ADAMTS19: variants seen among roughly 807,000 people sequenced by gnomAD.
The protein encoded by ADAMTS19 is A disintegrin and metalloproteinase with thrombospondin motifs 19.
Under a neutral mutation model 153.3 loss-of-function variants are expected in ADAMTS19, and 93 were observed. That is an observed-to-expected ratio of 0.61 (90% confidence interval 0.51 to 0.72). ADAMTS19 has a LOEUF of 0.72. Ranked by LOEUF, ADAMTS19 falls within the 30% of genes least tolerant of loss-of-function variation. The pLI is 0.00. For synonymous variants in ADAMTS19, 600 were observed against 556.6 expected (o/e 1.08, Z -1.10); for missense variants, 1,482 against 1,552.1 (o/e 0.95, Z 0.76).
chr5:129,713,774 A>T (rs1403442668), intron 21 of ADAMTS19, among the ~76,000 whole-genome samples: 2 of 151,954 alleles, frequency 1.3e-5, no homozygotes, highest in Non-Finnish European at 2.9e-5. Context: ...AAAAAAAAAA[A>T]AATTAACAAA....
At chr5:129,552,366 T>C (rs1753154371) in intron 7 of ADAMTS19, among the ~76,000 whole-genome samples, 1 of 151,866 alleles carries the variant, frequency 6.6e-6, no homozygotes, top group Non-Finnish European at 1.5e-5. Context: ...TTTTCACCAT[T>C]TGTATTAGAT....
At chr5:129,634,148 C>T (rs1752429266) in intron 10 of ADAMTS19, among the ~76,000 whole-genome samples, 1 of 152,100 alleles carries the variant, frequency 6.6e-6, no homozygotes, top group Non-Finnish European at 1.5e-5. Flanking sequence ...TTCGGTTTCC[C>T]TCAAAAGTGT....
chr5:129,724,100 A>C (rs930899408), intron 21 of ADAMTS19, among the ~76,000 whole-genome samples: 4 of 152,254 alleles, frequency 2.6e-5, no homozygotes, highest in Non-Finnish European at 4.4e-5. Context: ...GTTTCTTATC[A>C]GATTCAAAAA....
intron 2 of ADAMTS19, among the ~76,000 whole-genome samples, chr5:129,489,605 A>G (rs1243981595): frequency 2.0e-5 from 3 of 152,182 alleles, no homozygotes; most frequent in Admixed American, 2.0e-4. Context: ...ACAATTTTTT[A>G]AAATGTTCAT....
chr5:129,511,081 A>G (rs1363145), intron 3 of ADAMTS19, among the ~76,000 whole-genome samples: 13,728 of 151,714 alleles, frequency 0.09, 1,151 homozygotes, highest in African/African-American at 0.23. Context: ...GACATGTCCA[A>G]TTGTAGCCTT....
intron 2 of ADAMTS19, chr5:129,500,729 G>A (rs559825014): frequency 6.6e-6 from 1 of 152,246 alleles, no homozygotes. Context: ...TTCCTAGAGT[G>A]TAAGTTGATG....
intron 3 of ADAMTS19, among the ~76,000 whole-genome samples, chr5:129,522,053 TCA>T (rs1261857974): frequency 2.6e-5 from 4 of 151,862 alleles, no homozygotes; most frequent in South Asian, 2.1e-4. Context: ...CATATTAATC[TCA>T]TTCACTTGGC....
chr5:129,526,441 A>G lies in ADAMTS19; in HGVS notation c.1071A>G (p.Leu357=). ...HGADAARRFI[L]TILNMVFNLF... ...CAGATGCAGCCAGGAGATTCATTCT[A>G]ACCATCTTAAATATGGTAGGCAAAC... is the stretch of plus-strand genomic sequence containing the variant. The change falls in exon 4 of 23, where the codon CTA becomes CTG. Residue 357 remains leucine, a synonymous_variant. Coordinates refer to ENST00000274487, the MANE Select transcript of ADAMTS19 (RefSeq NM_133638.6). 5 of 1,595,894 alleles carry G rather than the reference A, an allele frequency of 3.1e-6. No individual in the cohort carries two copies. Among genetic ancestry groups the G allele is most frequent in the Non-Finnish European group, 4.3e-6 (5 of 1,173,368 alleles).
chr5:129,605,218 T>A (rs140244518), intron 8 of ADAMTS19, among the ~76,000 whole-genome samples: 1 of 152,308 alleles, frequency 6.6e-6, no homozygotes, highest in African/African-American at 2.4e-5. Context: ...GCCTGGCTTC[T>A]TTACTCAGAA....
At chr5:129,469,176 T>C (rs1394873778) in intron 2 of ADAMTS19, among the ~76,000 whole-genome samples, 1 of 152,082 alleles carries the variant, frequency 6.6e-6, no homozygotes, top group Non-Finnish European at 1.5e-5. Context: ...CAAAATAATA[T>C]ATTCTAAGTA....
intron 10 of ADAMTS19, among the ~76,000 whole-genome samples, chr5:129,632,092 C>T (rs925650662): frequency 6.6e-6 from 1 of 151,976 alleles, no homozygotes; most frequent in Non-Finnish European, 1.5e-5. Flanking sequence ...AGCAGCAGAG[C>T]CTCTGTTGCA....
At chr5:129,658,477 A>G (rs1027906651) in intron 14 of ADAMTS19, 140 bp from the exon 15 acceptor site, 6 of 832,664 alleles carry the variant, frequency 7.2e-6, no homozygotes, top group Non-Finnish European at 1.1e-5. Flanking sequence ...GCACCAGAGA[A>G]TGACATTTTA....
At chr5:129,501,160 T>G (rs574252955) in intron 2 of ADAMTS19, among the ~76,000 whole-genome samples, 1 of 152,260 alleles carries the variant, frequency 6.6e-6, no homozygotes, top group Admixed American at 6.6e-5. Context: ...AAATTCTGGT[T>G]GTATGATCAG....
At chr5:129,512,882 A>G (rs1055836738) in intron 3 of ADAMTS19, among the ~76,000 whole-genome samples, 1 of 151,988 alleles carries the variant, frequency 6.6e-6, no homozygotes, top group African/African-American at 2.4e-5. Flanking sequence ...TTACCCCTGA[A>G]TACAGGCATT....
At chr5:129,549,032 G>C (rs1269190877) in intron 6 of ADAMTS19, among the ~76,000 whole-genome samples, 1 of 98,824 alleles carries the variant, frequency 1.0e-5, no homozygotes, top group African/African-American at 3.9e-5. Flanking sequence ...GTTGTGGGGT[G>C]GGGGGAGGGG....
intron 7 of ADAMTS19, among the ~76,000 whole-genome samples, chr5:129,557,460 C>T (rs914028851): frequency 6.6e-6 from 1 of 151,896 alleles, no homozygotes; most frequent in Admixed American, 6.6e-5. Flanking sequence ...ATTAGCTGGG[C>T]ATGGTGACAC....
At chr5:129,687,997 T>G (rs1231242801) in intron 18 of ADAMTS19, 1 of 152,212 alleles carries the variant, frequency 6.6e-6, no homozygotes, top group Non-Finnish European at 1.5e-5. Context: ...TCCATTGTGT[T>G]TAGTCAACAG....
chr5:129,723,164 CA>C (rs1757072199), intron 21 of ADAMTS19, among the ~76,000 whole-genome samples: 1 of 152,174 alleles, frequency 6.6e-6, no homozygotes, highest in African/African-American at 2.4e-5. Flanking sequence ...GTTACTACAT[CA>C]TCCATGGTCA....
intron 2 of ADAMTS19, among the ~76,000 whole-genome samples, chr5:129,500,758 G>C (rs1014124205): frequency 6.6e-6 from 1 of 151,966 alleles, no homozygotes; most frequent in Admixed American, 6.6e-5. Context: ...TGACCACCTT[G>C]TTCACTACTG....
Sources: allele counts gnomAD v4.1 joint callset (sites outside exome capture counted in the v4.1 genomes callset), GRCh38; gene constraint gnomAD v4.1.1; transcripts MANE v1.5; gene names NCBI Gene and HGNC (gene_info 2026-07-23, HGNC 2026-07-21).